RAF1: variants seen among roughly 807,000 people sequenced by gnomAD.
RAF1 encodes the protein Raf-1 proto-oncogene, serine/threonine kinase, also known as RAF proto-oncogene serine/threonine-protein kinase.
Under a neutral mutation model 81.1 loss-of-function variants are expected in RAF1, and 27 were observed. That is an observed-to-expected ratio of 0.33 (90% CI 0.25 to 0.46). The LOEUF (loss-of-function observed/expected upper bound fraction) is 0.46. Among genes scored for constraint, RAF1 ranks in the 20% least tolerant of loss-of-function variants. RAF1 has a pLI of 1.00. For synonymous variants in RAF1, 298 were observed against 294.0 expected (o/e 1.01, Z -0.14); for missense variants, 598 against 826.0 (o/e 0.72, Z 3.38).
At chr3:12,585,544 G>A in intron 15 of RAF1, 137 bp downstream of exon 14, 1 of 1,365,210 alleles carries the variant, frequency 7.3e-7, no homozygotes, top group Non-Finnish European at 1.0e-6. Flanking sequence ...ATCTACAATT[G>A]CCCTGAGGCT....
chr3:12,632,727 C>T (rs2059900785), intron 1 of RAF1, among the ~76,000 whole-genome samples: 1 of 152,200 alleles, frequency 6.6e-6, no homozygotes, highest in African/African-American at 2.4e-5. Context: ...AACTCAGTCC[C>T]AGGCTGATCC....
At chr3:12,633,149 T>C (rs1335658862) in intron 1 of RAF1, among the ~76,000 whole-genome samples, 11 of 152,112 alleles carry the variant, frequency 7.2e-5, no homozygotes, top group Admixed American at 7.2e-4. Flanking sequence ...CAAAGGAATA[T>C]CAGGCTTTTT....
chr3:12,626,954 G>T (rs1213010230), intron 1 of RAF1, among the ~76,000 whole-genome samples: 1 of 148,948 alleles, frequency 6.7e-6, no homozygotes, highest in Non-Finnish European at 1.5e-5. Flanking sequence ...AACCCAGGAG[G>T]CAGAGGTTAT....
rs1368431496 is a variant in RAF1, at chr3:12,584,432, C to T, written c.*82G>A. ...AGCTTCTCTGAAAACATGTGTTCTG[C>T]CTCTGGAGAAAGGGAGCAGAAAAGT... On this transcript the variant is annotated 3_prime_UTR_variant, in exon 18 of 18. Coordinates refer to ENST00000442415, the MANE Select transcript of RAF1 (RefSeq NM_001354689.3). 1.9e-6 allele frequency: 3 copies of T among 1,566,244 alleles called. No individual in the cohort carries two copies. Among genetic ancestry groups the T allele is most frequent in the Non-Finnish European group, 2.6e-6 (3 of 1,139,300 alleles).
At chr3:12,601,087 G>A (rs1303890353) in intron 8 of RAF1, among the ~76,000 whole-genome samples, 1 of 152,164 alleles carries the variant, frequency 6.6e-6, no homozygotes, top group Admixed American at 6.5e-5. Flanking sequence ...CAAGGAGTTA[G>A]GCTAAATTGA....
chr3:12,619,129 C>T (rs1307171276), intron 1 of RAF1, among the ~76,000 whole-genome samples: 6 of 152,116 alleles, frequency 3.9e-5, no homozygotes, highest in Non-Finnish European at 7.4e-5. Context: ...CCTGTAGTCC[C>T]AGCTACTCGG....
chr3:12,634,517 C>T (rs550637001), intron 1 of RAF1, among the ~76,000 whole-genome samples: 3 of 152,110 alleles, frequency 2.0e-5, no homozygotes, highest in East Asian at 3.9e-4. Context: ...ATATAGGAAA[C>T]GGGACATCCA....
At chr3:12,625,346 G>C (rs2059673067) in intron 1 of RAF1, among the ~76,000 whole-genome samples, 1 of 152,124 alleles carries the variant, frequency 6.6e-6, no homozygotes, top group Non-Finnish European at 1.5e-5. Context: ...GCCTCCCAAA[G>C]TGCTGGGATT....
chr3:12,659,994 C>G (rs1014812597), intron 1 of RAF1, among the ~76,000 whole-genome samples: 2 of 152,020 alleles, frequency 1.3e-5, no homozygotes, highest in African/African-American at 4.8e-5. Flanking sequence ...AATAGACTAC[C>G]TGAAATAGTA....
intron 1 of RAF1, among the ~76,000 whole-genome samples, chr3:12,654,217 G>A (rs1434016558): frequency 1.3e-5 from 2 of 151,886 alleles, no homozygotes; most frequent in Admixed American, 6.6e-5. Flanking sequence ...TGAACTCCTG[G>A]CCTCAAGCAA....
rs763060701 is a variant in RAF1 at position 12,584,882 on chromosome 3, T to C, written c.1828A>G (p.Lys610Glu). Residue 610 changes from lysine (K) to glutamate (E), a missense_variant, in exon 17 of 18, where the codon AAG becomes GAG. This residue lies in a region of RAF1 where 147 missense variants were observed against 196.1 expected (regional missense o/e 0.75). Coordinates refer to ENST00000442415, the MANE Select transcript of RAF1 (RefSeq NM_001354689.3). Reference sequence around the variant, plus strand: ...AGAGGCCTCTCTTCCTTTACTTTCTTCACACAGTCAGCTACCAGCCTCTTC... The same window carrying C: ...AGAGGCCTCTCTTCCTTTACTTTCTCCACACAGTCAGCTACCAGCCTCTTC... 3 of 1,614,194 alleles carry C rather than the reference T, an allele frequency of 1.9e-6. No homozygotes were observed. Among genetic ancestry groups the C allele is most frequent in the Admixed American group, 3.3e-5 (2 of 60,026 alleles).
At chr3:12,600,593 G>A (rs1297366694) in intron 8 of RAF1, among the ~76,000 whole-genome samples, 178 bp from the exon 8 acceptor site, 1 of 152,128 alleles carries the variant, frequency 6.6e-6, no homozygotes, top group Non-Finnish European at 1.5e-5. Flanking sequence ...AAATATCAGT[G>A]GCCAGTATCT....
chr3:12,600,030 TCTC>T lies in RAF1; in HGVS notation c.1050+119_1050+121del. 4.1e-6 allele frequency: 6 copies of T among 1,456,238 alleles called. No homozygotes were observed. The South Asian group carries it at 6.9e-5, about 17-fold the overall frequency. 90.2% of individuals were successfully genotyped at this position (1,456,238 alleles called of 1,614,324 possible). Reference sequence around the variant, plus strand: ...CCAAAAATGACAGTAACATTTATAATCTCCTTCATTGAATGTATTTTATTAGAA... The same window carrying T: ...CCAAAAATGACAGTAACATTTATAATCTTCATTGAATGTATTTTATTAGAA... On this transcript the variant is annotated intron_variant, in intron 10 of 17. Coordinates refer to ENST00000442415, the MANE Select transcript of RAF1 (RefSeq NM_001354689.3).
At chr3:12,661,568 G>A (rs1169460058) in intron 1 of RAF1, among the ~76,000 whole-genome samples, 2 of 151,856 alleles carry the variant, frequency 1.3e-5, no homozygotes, top group East Asian at 1.9e-4. Context: ...TCAGCCGGGC[G>A]TGGTGGAGTG....
chr3:12,653,131 A>G (rs961260254), intron 1 of RAF1, among the ~76,000 whole-genome samples: 1 of 151,512 alleles, frequency 6.6e-6, no homozygotes, highest in Non-Finnish European at 1.5e-5. Flanking sequence ...AAAATACAAA[A>G]ATTAGCTGGG....
chr3:12,586,684 C>T (rs1012015068), intron 14 of RAF1, among the ~76,000 whole-genome samples: 2 of 152,106 alleles, frequency 1.3e-5, no homozygotes, highest in Admixed American at 6.5e-5. Context: ...AGGAAAGGCT[C>T]GTGGAGGGTG....
At chr3:12,655,070 T>A (rs1294628385) in intron 1 of RAF1, among the ~76,000 whole-genome samples, 2 of 150,170 alleles carry the variant, frequency 1.3e-5, no homozygotes, top group South Asian at 2.2e-4. Context: ...TACAACCACT[T>A]CACAGTCATT....
At chr3:12,599,940 A>C (rs1253401466) in intron 10 of RAF1, 132 bp from the exon 10 acceptor site, 2 of 1,209,334 alleles carry the variant, frequency 1.7e-6, no homozygotes, top group East Asian at 4.7e-5. Context: ...CCATACTTCC[A>C]ATTTTTGTCT....
intron 1 of RAF1, among the ~76,000 whole-genome samples, chr3:12,662,075 A>C (rs1481484485): frequency 6.6e-6 from 1 of 151,700 alleles, no homozygotes; most frequent in East Asian, 1.9e-4. Flanking sequence ...CTGTAATCCC[A>C]GCAAGCACGT....
Sources: allele counts gnomAD v4.1 joint callset (sites outside exome capture counted in the v4.1 genomes callset), GRCh38; gene constraint gnomAD v4.1.1; regional missense constraint gnomAD v4.1.1; transcripts MANE v1.5; gene names NCBI Gene and HGNC (gene_info 2026-07-23, HGNC 2026-07-21).